Variants in BRF1 observed in about 807,000 individuals in gnomAD.
The protein encoded by BRF1 is BRF1 general transcription factor IIIB subunit, also known as transcription factor IIIB 90 kDa subunit.
BRF1 carries 59 observed loss-of-function variants against 81.7 expected under a neutral mutation model. That is an observed-to-expected ratio of 0.72 (90% CI 0.59 to 0.90). BRF1 has a LOEUF of 0.90. Ranked by LOEUF, BRF1 falls within the 40% of genes least tolerant of loss-of-function variation. BRF1 has a pLI of 0.00. For missense variants in BRF1, 1,050 were observed against 936.3 expected (o/e 1.12, Z -1.58); for synonymous variants, 491 against 395.6 (o/e 1.24, Z -2.86).
rs1300186906 is a variant in BRF1, at chr14:105,271,147, A to T, written c.439+1574T>A. ...GTTCAGGTGCTGTCCCAAAGCAAAA[A>T]GATAGCCACGTGCAAAAAAGGATGA... is the stretch of plus-strand genomic sequence containing the variant. On this transcript the variant is annotated intron_variant, in intron 3 of 17. Coordinates refer to ENST00000547530, the MANE Select transcript of BRF1 (RefSeq NM_001519.4). This position sits in a 1 kb window ranked among gnomAD's most constrained non-coding sequence, Gnocchi z 5.5. 6.6e-6 allele frequency among the ~76,000 whole-genome samples: 1 copy of T among 152,254 alleles called. No individual in the cohort carries two copies. Among genetic ancestry groups the T allele is most frequent in the Non-Finnish European group, 1.5e-5 (1 of 68,046 alleles).
chr14:105,253,879 G>A (rs1477736453), intron 4 of BRF1, among the ~76,000 whole-genome samples: 4 of 152,242 alleles, frequency 2.6e-5, no homozygotes, highest in South Asian at 2.1e-4. Context: ...AAACTGGGGG[G>A]CGTGTCAGCA....
chr14:105,220,037 A>T, intron 12 of BRF1, 32 bp downstream of exon 12: 1 of 1,608,750 alleles, frequency 6.2e-7, no homozygotes, highest in Non-Finnish European at 8.5e-7. Flanking sequence ...TCCCAAGCCC[A>T]GCCCCTCTTG....
intron 3 of BRF1, among the ~76,000 whole-genome samples, chr14:105,261,965 G>A (rs1186914907): frequency 1.2e-4 from 18 of 152,204 alleles, no homozygotes; most frequent in Non-Finnish European, 2.9e-5. Flanking sequence ...GCTCCTCACC[G>A]GCAGCCAACA....
chr14:105,291,053 C>T (rs1189542306), intron 1 of BRF1, among the ~76,000 whole-genome samples: 7 of 152,168 alleles, frequency 4.6e-5, no homozygotes, highest in East Asian at 1.9e-4. Flanking sequence ...TTTTCCATAG[C>T]GTGTTTCTAT....
chr14:105,253,901 T>A (rs2055740873), intron 4 of BRF1, among the ~76,000 whole-genome samples: 1 of 152,230 alleles, frequency 6.6e-6, no homozygotes, highest in Non-Finnish European at 1.5e-5. Context: ...ATGTAGTGTG[T>A]GTGTGCATCC....
intron 6 of BRF1, among the ~76,000 whole-genome samples, chr14:105,241,031 C>G (rs990043063): frequency 4.6e-5 from 7 of 152,234 alleles, no homozygotes; most frequent in African/African-American, 1.7e-4. Flanking sequence ...CAAGGCCGCT[C>G]TGCCCTGAGA....
chr14:105,273,804 C>T lies in BRF1; in HGVS notation c.266-910G>A, dbSNP rs368742701. Among the ~76,000 whole-genome samples, 6 of 152,300 alleles carry T rather than the reference C, an allele frequency of 3.9e-5. No individual in the cohort carries two copies. The East Asian group carries it at 9.6e-4, about 24-fold the overall frequency. On this transcript the variant is annotated intron_variant, in intron 2 of 17. Coordinates refer to ENST00000547530, the MANE Select transcript of BRF1 (RefSeq NM_001519.4). ...TGCAGGGACCTCTGCCCTGGAAAGC[C>T]GGGTATTGTCCACGGTTTCTCCCCA...
chr14:105,269,446 G>A lies in BRF1; in HGVS notation c.439+3275C>T, dbSNP rs144647136. ...CAAACCTGCCTGTTCACAGTGCACC[G>A]GGCAGTGGGTTTTCGTAAATCCCCA... On this transcript the variant is annotated intron_variant, in intron 3 of 17. Coordinates refer to ENST00000547530, the MANE Select transcript of BRF1 (RefSeq NM_001519.4). This position sits in a 1 kb window ranked among gnomAD's most constrained non-coding sequence, Gnocchi z 5.0. Among the ~76,000 whole-genome samples, 164 of 152,258 alleles carry A rather than the reference G, an allele frequency of 1.1e-3. No individual in the cohort carries two copies. The East Asian group carries it at 0.014, about 13-fold the overall frequency.
chr14:105,229,199 T>C (rs972480636), intron 6 of BRF1, among the ~76,000 whole-genome samples: 9 of 152,064 alleles, frequency 5.9e-5, no homozygotes, highest in Non-Finnish European at 1.3e-4. Context: ...ACAAACTAAC[T>C]CTAAGATGAC....
At chr14:105,308,097 C>T (rs587616454) in intron 1 of BRF1, among the ~76,000 whole-genome samples, 14 of 151,588 alleles carry the variant, frequency 9.2e-5, no homozygotes, top group African/African-American at 3.1e-4. Flanking sequence ...GCAGGAGAAT[C>T]GCTTGAACCC....
Position 105,209,529 on chromosome 14 carries a change from A to G in BRF1, c.*1022T>C, listed in dbSNP as rs1190467051. The G allele has an allele frequency of 1.3e-5, 9 of 702,434 alleles. No individual in the cohort carries two copies. In the East Asian group the frequency reaches 2.4e-4, roughly 19 times the overall value. 43.5% of individuals were successfully genotyped at this position (702,434 alleles called of 1,614,324 possible). A position where few individuals can be genotyped will look rare whatever the true frequency, so the allele number is the denominator to read the frequency against. On this transcript the variant is annotated 3_prime_UTR_variant, in exon 18 of 18. Transcript: ENST00000547530. ...ACCCCCTCCTAAGGACACAGGGTGA[A>G]GCCCCCTCGGCCACATCCGGGGCAG... is the stretch of plus-strand genomic sequence containing the variant.
chr14:105,226,696 G>A lies in BRF1; in HGVS notation c.853C>T (p.Leu285=). The change falls in exon 8 of 18, where the codon CTG becomes TTG. Residue 285 remains leucine (L), a synonymous_variant. Transcript: ENST00000547530. ...LTIDEFMKID[L]EEECDPPSYT... ...GAGGGGGGGTCGCACTCCTCCTCCAGGTCGATCTTCATGAACTCATCAATG... is the reference window on the plus strand; with the variant it reads ...GAGGGGGGGTCGCACTCCTCCTCCAAGTCGATCTTCATGAACTCATCAATG... 6.2e-7 allele frequency: 1 copy of A among 1,613,660 alleles called. No individual in the cohort carries two copies.
chr14:105,274,711 C>G (rs1441064444), intron 2 of BRF1, among the ~76,000 whole-genome samples: 1 of 152,254 alleles, frequency 6.6e-6, no homozygotes, highest in Non-Finnish European at 1.5e-5. Flanking sequence ...CTCACTGCCC[C>G]ACTCTGTCTG....
chr14:105,214,867 CA>C (rs1890820669), intron 15 of BRF1, among the ~76,000 whole-genome samples: 1 of 152,148 alleles, frequency 6.6e-6, no homozygotes, highest in African/African-American at 2.4e-5. Context: ...CCAAGTGGTC[CA>C]AATCCCTTTT....
At chr14:105,247,318 T>G in intron 5 of BRF1, 1 of 985,460 alleles carries the variant, frequency 1.0e-6, no homozygotes, top group Non-Finnish European at 1.2e-6. Context: ...CTGCTCTGCA[T>G]TCCACCAACA....
At chr14:105,220,576 G>A (rs1418360961) in intron 11 of BRF1, among the ~76,000 whole-genome samples, 9 of 152,162 alleles carry the variant, frequency 5.9e-5, no homozygotes, top group Admixed American at 3.3e-4. Flanking sequence ...GAATAGAAAT[G>A]ATTCCGGAGT....
At chr14:105,215,597 C>T (rs1317394450) in intron 15 of BRF1, among the ~76,000 whole-genome samples, 3 of 151,188 alleles carry the variant, frequency 2.0e-5, no homozygotes, top group African/African-American at 7.3e-5. Context: ...CAGGCGCACA[C>T]ACACTGCATA....
intron 1 of BRF1, among the ~76,000 whole-genome samples, chr14:105,290,233 A>C (rs1404626299): frequency 2.0e-5 from 3 of 152,050 alleles, no homozygotes; most frequent in African/African-American, 7.2e-5. Flanking sequence ...CAGCCTAACC[A>C]ACAAGGAGAA....
intron 7 of BRF1, among the ~76,000 whole-genome samples, 165 bp downstream of exon 7, chr14:105,228,655 A>G (rs2054204841): frequency 1.3e-5 from 2 of 152,080 alleles, no homozygotes; most frequent in Non-Finnish European, 2.9e-5. Flanking sequence ...GCAGCCCACC[A>G]GCACGTCCAA....
Sources: gnomAD v4.1 joint callset for allele counts (sites outside exome capture counted in the v4.1 genomes callset) on GRCh38, gnomAD v4.1.1 for gene constraint, Gnocchi (gnomAD v3.1) non-coding constraint, MANE v1.5 for transcripts, NCBI Gene and HGNC (gene_info 2026-07-23, HGNC 2026-07-21) for gene names.